BMP1: variants seen among roughly 807,000 people sequenced by gnomAD.
BMP1 encodes bone morphogenetic protein 1.
Under a neutral mutation model 116.8 loss-of-function variants are expected in BMP1, and 63 were observed. The ratio of observed to expected loss-of-function variants is 0.54; its 90% CI spans 0.44 to 0.67. The LOEUF (loss-of-function observed/expected upper bound fraction) is 0.67. Ranked by LOEUF, BMP1 falls within the 30% of genes least tolerant of loss-of-function variation. The probability of loss-of-function intolerance (pLI) is 0.00; values close to 1 mark genes in which losing one functional copy is unlikely to be tolerated. For synonymous variants in BMP1, 536 were observed against 533.4 expected, an observed-to-expected ratio of 1.00 and a Z score of -0.07; for missense variants, 1,183 against 1,358.9, an observed-to-expected ratio of 0.87 and a Z score of 2.04.
intron 8 of BMP1, among the ~76,000 whole-genome samples, chr8:22,184,328 A>AC (rs1563252538): frequency 6.6e-6 from 1 of 152,228 alleles, no homozygotes; most frequent in Non-Finnish European, 1.5e-5. Context: ...TAGTGGACGC[A>AC]CATGGCCTTG....
intron 18 of BMP1, 35 bp from the exon 19 acceptor site, chr8:22,209,410 G>A (rs779723514): frequency 8.1e-6 from 13 of 1,608,902 alleles, no homozygotes; most frequent in Non-Finnish European, 1.1e-5. Flanking sequence ...CACCTGCGGT[G>A]CTCAGGGCTG....
Position 22,177,093 on chromosome 8 carries a change from A to C in BMP1, c.684A>C (p.Pro228=), listed in dbSNP as rs769675994. The stretch of plus-strand genomic sequence containing the variant: ...GCTTCTGGCACGAACACACTCGGCC[A>C]GACCGGGACCGCCACGTTTCCATCG... ...VVGFWHEHTR[P]DRDRHVSIVR... The change falls in exon 5 of 20, where the codon CCA becomes CCC. Residue 228 remains proline, a synonymous_variant. Coordinates refer to ENST00000306385, the MANE Select transcript of BMP1 (RefSeq NM_006129.5). 2 of 1,611,732 alleles carry C rather than the reference A, an allele frequency of 1.2e-6. No individual in the cohort carries two copies. Among genetic ancestry groups the C allele is most frequent in the Middle Eastern group, 3.3e-4 (2 of 6,052 alleles).
chr8:22,192,666 A>G (rs1417658699), intron 9 of BMP1, among the ~76,000 whole-genome samples: 1 of 152,228 alleles, frequency 6.6e-6, no homozygotes, highest in Admixed American at 6.5e-5. Context: ...CCTTGTCTGC[A>G]TAGGATACTT....
intron 2 of BMP1, among the ~76,000 whole-genome samples, chr8:22,175,823 AC>A (rs1479959994): frequency 2.0e-5 from 3 of 152,206 alleles, no homozygotes; most frequent in Admixed American, 2.0e-4. Flanking sequence ...GCACAAAAAC[AC>A]AAAAAACAGG....
Position 22,212,026 on chromosome 8 carries a change from A to AATGATACG in BMP1, c.*298_*299insATGATACG. The stretch of plus-strand genomic sequence containing the variant: ...CTGCCTGGTGGCAAGAGGGAATGTC[A>AATGATACG]GCAGGACCCCATCGCCATCCCTGTG... On this transcript the variant is annotated 3_prime_UTR_variant, in exon 20 of 20. Coordinates refer to ENST00000306385, the MANE Select transcript of BMP1 (RefSeq NM_006129.5). 8.8e-6 allele frequency: 4 copies of AATGATACG among 452,008 alleles called. No individual in the cohort carries two copies. The highest frequency in any genetic ancestry group is 3.4e-5 in the Admixed American group (1 of 29,726). The allele number at this position is 452,008 out of a possible 1,614,324, so 28.0% of individuals were successfully genotyped here.
chr8:22,177,723 G>C, intron 5 of BMP1, 129 bp from the exon 6 acceptor site: 1 of 790,690 alleles, frequency 1.3e-6, no homozygotes, highest in African/African-American at 1.7e-5. Context: ...GCTGCTCCCC[G>C]GACCCTCAGG....
Position 22,195,145 on chromosome 8 carries a change from T to G in BMP1, c.1639+226T>G, listed in dbSNP as rs115481770. On this transcript the variant is annotated intron_variant, in intron 12 of 19. Coordinates refer to ENST00000306385, the MANE Select transcript of BMP1 (RefSeq NM_006129.5). ...AGGGAGGAAAAAAGGCAGTTGGAGGTTTTTTTTACCTGTGTGACCTTGGGC... is the reference window on the plus strand; with the variant it reads ...AGGGAGGAAAAAAGGCAGTTGGAGGGTTTTTTTACCTGTGTGACCTTGGGC... Among the ~76,000 whole-genome samples, 1,958 of 151,858 alleles carry G rather than the reference T, an allele frequency of 0.013. 38 individuals are homozygous for G. Among genetic ancestry groups the G allele is most frequent in the African/African-American group, 0.045 (1,871 of 41,400 alleles).
rs924682389 is a variant in BMP1, at chr8:22,176,639, T to C, written c.540T>C (p.Tyr180=). ...TDEDSYIVFT[Y]RPCGCCSYVG... is the part of the protein sequence containing the mutation. ...AGGACAGCTATATTGTGTTCACCTA[T>C]CGACCTTGCGGGTGAGCAGGAAGCC... The change falls in exon 4 of 20, where the codon TAT becomes TAC. Residue 180 remains tyrosine (Y), a synonymous_variant. Coordinates refer to ENST00000306385, the MANE Select transcript of BMP1 (RefSeq NM_006129.5). 3.4e-5 allele frequency: 55 copies of C among 1,614,006 alleles called. No individual in the cohort carries two copies. Among genetic ancestry groups the C allele is most frequent in the Non-Finnish European group, 4.1e-5 (48 of 1,179,990 alleles).
At chr8:22,196,125 G>C (rs556169207) in intron 13 of BMP1, 4 of 502,504 alleles carry the variant, frequency 8.0e-6, no homozygotes, top group Non-Finnish European at 1.6e-5. Flanking sequence ...GGGTGTTTTC[G>C]GGTTTTTTTT....
chr8:22,193,983 C>A, intron 9 of BMP1, 75 bp from the exon 10 acceptor site: 2 of 1,224,176 alleles, frequency 1.6e-6, no homozygotes, highest in Non-Finnish European at 2.4e-6. Flanking sequence ...AGCACCCAAG[C>A]CTCCTGGAGA....
intron 18 of BMP1, among the ~76,000 whole-genome samples, 162 bp downstream of exon 18, chr8:22,207,678 G>A (rs555079701): frequency 6.6e-6 from 1 of 152,248 alleles, no homozygotes; most frequent in African/African-American, 2.4e-5. Context: ...AACCAGGCCT[G>A]GGGGGCAGGG....
intron 8 of BMP1, among the ~76,000 whole-genome samples, chr8:22,185,189 T>C (rs1473984580): frequency 2.0e-5 from 3 of 152,292 alleles, no homozygotes; most frequent in Middle Eastern, 3.4e-3. Context: ...CGGTGACTCA[T>C]GCCTGTAATC....
chr8:22,191,698 C>G (rs748452648), intron 8 of BMP1, among the ~76,000 whole-genome samples: 27 of 152,252 alleles, frequency 1.8e-4, no homozygotes, highest in African/African-American at 5.8e-4. Context: ...ACTTCAGACC[C>G]TCCAGTACCC....
chr8:22,176,274 G>T lies in BMP1; in HGVS notation c.394G>T (p.Asp132Tyr). 1.2e-6 allele frequency: 2 copies of T among 1,611,548 alleles called. No individual in the cohort carries two copies. Among genetic ancestry groups the T allele is most frequent in the Non-Finnish European group, 8.5e-7 (1 of 1,178,592 alleles). Residue 132 changes from aspartate (D) to tyrosine (Y), a missense_variant, in exon 3 of 20, where the codon GAT (aspartate) becomes TAT (tyrosine). Asp to Tyr is a radical substitution (Grantham distance 160). Around this residue, in one of 4 missense-constraint regions of BMP1, gnomAD observed 40 missense variants for 47.5 expected, o/e 0.84. Coordinates refer to ENST00000306385, the MANE Select transcript of BMP1 (RefSeq NM_006129.5). ...GTCCCGACCAGAGCGTGTGTGGCCC[G>T]ATGGGGTCATCCCCTTTGTCATTGG... ...ATSRPERVWPDGVIPFVIGGN... is the reference protein window; with the variant it reads ...ATSRPERVWPYGVIPFVIGGN...
chr8:22,205,012 G>A (rs1049690928), intron 16 of BMP1, among the ~76,000 whole-genome samples: 1 of 152,164 alleles, frequency 6.6e-6, no homozygotes, highest in South Asian at 2.1e-4. Context: ...GCAATGAGCT[G>A]CACCTCCCAG....
chr8:22,186,128 G>T (rs992110004), intron 8 of BMP1, among the ~76,000 whole-genome samples: 1 of 152,086 alleles, frequency 6.6e-6, no homozygotes, highest in Non-Finnish European at 1.5e-5. Context: ...GAGCCACCAC[G>T]CCCGGCCCAA....
Position 22,173,598 on chromosome 8 carries a change from T to G in BMP1, c.149-4T>G. On this transcript the variant is annotated splice_region_variant and splice_polypyrimidine_tract_variant and intron_variant, in intron 1 of 19. Coordinates refer to ENST00000306385, the MANE Select transcript of BMP1 (RefSeq NM_006129.5). ...TCAGCCCTGGCTTCTTCTTTTCTCT[T>G]TAGCTGCCTTTCTTGGGGACATTGC... 6.2e-7 allele frequency: 1 copy of G among 1,607,558 alleles called. No homozygotes were observed. The highest frequency in any genetic ancestry group is 1.1e-5 in the South Asian group (1 of 90,402).
intron 1 of BMP1, among the ~76,000 whole-genome samples, chr8:22,167,998 G>C (rs1395080146): frequency 6.6e-6 from 1 of 152,142 alleles, no homozygotes; most frequent in East Asian, 1.9e-4. Flanking sequence ...TGCTGTCTCT[G>C]CTTCTTTTCA....
chr8:22,169,396 G>T (rs1297967860), intron 1 of BMP1: 2 of 152,268 alleles, frequency 1.3e-5, no homozygotes, highest in African/African-American at 4.8e-5. Context: ...CCTTTGGGGA[G>T]TGTGGCCTGT....
Sources: gnomAD v4.1 joint callset for allele counts (sites outside exome capture counted in the v4.1 genomes callset) on GRCh38, gnomAD v4.1.1 for gene constraint, gnomAD v4.1.1 regional missense constraint, MANE v1.5 for transcripts, NCBI Gene and HGNC (gene_info 2026-07-23, HGNC 2026-07-21) for gene names.